RIMBP2: variants seen among roughly 807,000 people sequenced by gnomAD.
RIMBP2 encodes RIMS-binding protein 2.
Under a neutral mutation model 118.6 loss-of-function variants are expected in RIMBP2, and 48 were observed. That is an observed-to-expected ratio of 0.40 (90% confidence interval 0.32 to 0.51). The LOEUF (loss-of-function observed/expected upper bound fraction) is 0.51. RIMBP2 is among the 20% of genes least tolerant of loss of function. The pLI is 0.41. For missense variants in RIMBP2, 1,551 were observed against 1,768.3 expected (o/e 0.88, Z 2.20); for synonymous variants, 762 against 742.9 (o/e 1.03, Z -0.42).
At chr12:130,498,145 C>G (rs11503072) in intron 4 of RIMBP2, among the ~76,000 whole-genome samples, 145 of 123,344 alleles carry the variant, frequency 1.2e-3, no homozygotes, top group Middle Eastern at 4.3e-3. Context: ...CCGGCTGCCC[C>G]GTCATTCTCC....
chr12:130,589,651 T>A (rs1014031445), intron 2 of RIMBP2, among the ~76,000 whole-genome samples: 4 of 152,218 alleles, frequency 2.6e-5, no homozygotes, highest in Non-Finnish European at 4.4e-5. Flanking sequence ...GATGGATGTG[T>A]TATCTTGATT....
At chr12:130,428,148 A>G (rs372447576) in intron 15 of RIMBP2, 31 bp downstream of exon 15, 38 of 1,552,606 alleles carry the variant, frequency 2.4e-5, no homozygotes, top group Non-Finnish European at 3.0e-5. Flanking sequence ...CTGGGGACGG[A>G]GTGCAGGGTC....
At chr12:130,572,002 G>A (rs990300632) in intron 2 of RIMBP2, among the ~76,000 whole-genome samples, 1 of 152,170 alleles carries the variant, frequency 6.6e-6, no homozygotes, top group Non-Finnish European at 1.5e-5. Context: ...CTACCCCTTC[G>A]CTGCTCCTGC....
rs2065160768 is a variant in RIMBP2 at position 130,688,425 on chromosome 12, G to A, written c.-352+27797C>T. Among the ~76,000 whole-genome samples the A allele has an allele frequency of 6.6e-6, 1 of 152,154 alleles. No individual in the cohort carries two copies. The highest frequency in any genetic ancestry group is 2.1e-4 in the South Asian group (1 of 4,818). ...TTGGATAACACATACGTTTGCTTAG[G>A]TATCAGATCTAATGAAAGAGAAAGA... On this transcript the variant is annotated intron_variant, in intron 1 of 22. Coordinates refer to ENST00000690449, the MANE Select transcript of RIMBP2 (RefSeq NM_001393629.1). The surrounding 1 kb of genome is among the most constrained non-coding windows in gnomAD (Gnocchi z 4.7).
chr12:130,624,975 G>A (rs982604310), intron 2 of RIMBP2, among the ~76,000 whole-genome samples: 3 of 152,070 alleles, frequency 2.0e-5, no homozygotes, highest in African/African-American at 7.2e-5. Context: ...CGCCCACGTC[G>A]GCCTCCCAAA....
Position 130,703,900 on chromosome 12 carries a change from G to C in RIMBP2, c.-352+12322C>G, listed in dbSNP as rs530256593. On this transcript the variant is annotated intron_variant, in intron 1 of 22. Transcript: ENST00000690449. The surrounding 1 kb of genome is among the most constrained non-coding windows in gnomAD (Gnocchi z 5.7). ...AACGCAGCGCAGAGGTCTGGGGCCC[G>C]ACCACCCTGGGAGGCAGTGCCCCAG... Among the ~76,000 whole-genome samples the C allele has an allele frequency of 3.3e-5, 5 of 152,028 alleles. No homozygotes were observed. The highest frequency in any genetic ancestry group is 1.2e-4 in the African/African-American group (5 of 41,392).
At chr12:130,407,617 C>T (rs1433139104) in intron 20 of RIMBP2, 109 bp downstream of exon 20, 4 of 894,720 alleles carry the variant, frequency 4.5e-6, no homozygotes, top group Non-Finnish European at 5.7e-6. Flanking sequence ...ACGGATGGTT[C>T]GGAGAGAAGG....
rs934416607 is a variant in RIMBP2 at position 130,670,052 on chromosome 12, T to C, written c.-351-41596A>G. Among the ~76,000 whole-genome samples the C allele has an allele frequency of 6.6e-6, 1 of 152,122 alleles. No homozygotes were observed. Among genetic ancestry groups the C allele is most frequent in the Non-Finnish European group, 1.5e-5 (1 of 68,024 alleles). ...GCAGGTGGGCCCCGAATCCAATGAC[T>C]GCTGTTTTTATAAAAGACTCACAGA... On this transcript the variant is annotated intron_variant, in intron 1 of 22. Transcript: ENST00000690449. This position sits in a 1 kb window ranked among gnomAD's most constrained non-coding sequence, Gnocchi z 4.9.
chr12:130,682,073 T>C (rs1469066945), intron 1 of RIMBP2, among the ~76,000 whole-genome samples: 4 of 152,180 alleles, frequency 2.6e-5, no homozygotes, highest in African/African-American at 9.7e-5. Context: ...CCAACTTCCA[T>C]AGTGTGGCAT....
chr12:130,705,492 G>C (rs960426547), intron 1 of RIMBP2, among the ~76,000 whole-genome samples: 1 of 152,192 alleles, frequency 6.6e-6, no homozygotes, highest in Admixed American at 6.5e-5. Flanking sequence ...AGGCTGGCAG[G>C]GAAGGGACGC....
At chr12:130,405,051 T>C (rs775127783) in intron 21 of RIMBP2, among the ~76,000 whole-genome samples, 18 of 152,188 alleles carry the variant, frequency 1.2e-4, no homozygotes, top group Non-Finnish European at 2.2e-4. Flanking sequence ...GATTTACATG[T>C]GGAAAGTGAA....
chr12:130,456,308 G>A (rs1284217146), intron 7 of RIMBP2, among the ~76,000 whole-genome samples, 188 bp downstream of exon 7: 1 of 152,166 alleles, frequency 6.6e-6, no homozygotes, highest in African/African-American at 2.4e-5. Flanking sequence ...GGATGCCCGT[G>A]AGGTGCTGAG....
rs2063217247 is a variant in RIMBP2 at position 130,651,132 on chromosome 12, C to T, written c.-351-22676G>A. The stretch of plus-strand genomic sequence containing the variant: ...CTCCTGGCTTCTTAAAGCATCTCTA[C>T]CTCCAAGCAAAGCTTCTCAGGGATG... On this transcript the variant is annotated intron_variant, in intron 1 of 22. Coordinates refer to ENST00000690449, the MANE Select transcript of RIMBP2 (RefSeq NM_001393629.1). 2.0e-5 allele frequency among the ~76,000 whole-genome samples: 3 copies of T among 152,118 alleles called. No individual in the cohort carries two copies. In the South Asian group the frequency reaches 6.2e-4, roughly 32 times the overall value.
chr12:130,515,297 G>A lies in RIMBP2; in HGVS notation c.-127+2531C>T, dbSNP rs556555611. Among the ~76,000 whole-genome samples, 857 of 152,252 alleles carry A rather than the reference G, an allele frequency of 5.6e-3. 12 individuals carry two copies. The highest frequency in any genetic ancestry group is 0.02 in the African/African-American group (817 of 41,536). ...AGGACATTCGCACTGTTTTACAACT[G>A]TCACTACCACCCATCTCTAGAACTC... On this transcript the variant is annotated intron_variant, in intron 3 of 22. Coordinates refer to ENST00000690449, the MANE Select transcript of RIMBP2 (RefSeq NM_001393629.1).
chr12:130,485,939 G>A (rs757837594), intron 4 of RIMBP2, among the ~76,000 whole-genome samples: 4 of 152,214 alleles, frequency 2.6e-5, no homozygotes, highest in Non-Finnish European at 4.4e-5. Context: ...AGCGGGAGAA[G>A]CACTCGGCCC....
chr12:130,598,944 C>T (rs749320958), intron 2 of RIMBP2, among the ~76,000 whole-genome samples: 3 of 152,244 alleles, frequency 2.0e-5, no homozygotes, highest in East Asian at 1.9e-4. Context: ...TGAGCTCAAG[C>T]GATCCTCCCA....
At chr12:130,569,581 T>C (rs1369354780) in intron 2 of RIMBP2, among the ~76,000 whole-genome samples, 1 of 152,222 alleles carries the variant, frequency 6.6e-6, no homozygotes, top group Non-Finnish European at 1.5e-5. Context: ...TGCAGCCTGG[T>C]GGGAAGTGAT....
At chr12:130,532,918 T>A (rs2053619296) in intron 2 of RIMBP2, among the ~76,000 whole-genome samples, 1 of 150,830 alleles carries the variant, frequency 6.6e-6, no homozygotes, top group Non-Finnish European at 1.5e-5. Flanking sequence ...ATGAGATGCG[T>A]GTGTTTAGCC....
rs58189768 is a variant in RIMBP2, at chr12:130,451,766, G to A, written c.359-426C>T. ...GCGAGACCGAGAGAAAGTGGATCCC[G>A]GCGATGGGCTTGGAGCCCCTGGTTC... On this transcript the variant is annotated intron_variant, in intron 7 of 22. Transcript: ENST00000690449. 6.9e-3 allele frequency among the ~76,000 whole-genome samples: 1,052 copies of A among 152,350 alleles called. 11 individuals carry two copies. Among genetic ancestry groups the A allele is most frequent in the African/African-American group, 0.023 (956 of 41,578 alleles).
Sources: gnomAD v4.1 joint callset for allele counts (sites outside exome capture counted in the v4.1 genomes callset) on GRCh38, gnomAD v4.1.1 for gene constraint, Gnocchi (gnomAD v3.1) non-coding constraint, MANE v1.5 for transcripts, NCBI Gene and HGNC (gene_info 2026-07-23, HGNC 2026-07-21) for gene names.